The following ZFPM2 variants were observed in gnomAD, a reference collection of about 807,000 sequenced individuals.
The protein encoded by ZFPM2 is zinc finger protein, FOG family member 2.
Under a neutral mutation model 98.6 loss-of-function variants are expected in ZFPM2, and 20 were observed. That is an observed-to-expected ratio of 0.20 (90% CI 0.14 to 0.29). The LOEUF (loss-of-function observed/expected upper bound fraction) is 0.29, where lower values mean the gene tolerates loss of function less well. Ranked by LOEUF, ZFPM2 falls within the 10% of genes least tolerant of loss-of-function variation. The probability of loss-of-function intolerance (pLI) is 1.00; values close to 1 mark genes in which losing one functional copy is unlikely to be tolerated. For missense variants in ZFPM2, 1,310 were observed against 1,388.6 expected, an observed-to-expected ratio of 0.94 and a Z score of 0.90; for synonymous variants, 518 against 502.7, an observed-to-expected ratio of 1.03 and a Z score of -0.41.
intron 2 of ZFPM2, among the ~76,000 whole-genome samples, chr8:105,441,482 G>GAAAGAAAGAAAAGAAAAGAAAAGA (rs1554604998): frequency 4.7e-5 from 4 of 85,404 alleles, no homozygotes; most frequent in African/African-American, 3.1e-4. Flanking sequence ...AAGAAAGAAA[G>GAAAGAAAGAAAAGAAAAGAAAAGA]AAAGAAAGAA....
chr8:105,794,383 C>T (rs1266139670), intron 6 of ZFPM2, among the ~76,000 whole-genome samples: 1 of 152,140 alleles, frequency 6.6e-6, no homozygotes, highest in East Asian at 1.9e-4. Flanking sequence ...GCGGTGTCTG[C>T]AGAACAGTGG....
intron 5 of ZFPM2, among the ~76,000 whole-genome samples, chr8:105,654,587 A>T (rs867215743): frequency 2.2e-4 from 34 of 151,158 alleles, no homozygotes; most frequent in African/African-American, 5.6e-4. Context: ...TTTTTTTTTT[A>T]AAAATGAAAG....
At chr8:105,325,387 A>G (rs1812096119) in intron 1 of ZFPM2, among the ~76,000 whole-genome samples, 1 of 151,826 alleles carries the variant, frequency 6.6e-6, no homozygotes, top group African/African-American at 2.4e-5. Context: ...ATCAGCTCCT[A>G]GTATCTCTGC....
intron 5 of ZFPM2, among the ~76,000 whole-genome samples, chr8:105,769,686 T>TTGTCA (rs1045333035): frequency 7.2e-5 from 11 of 152,170 alleles, no homozygotes; most frequent in Admixed American, 5.2e-4. Flanking sequence ...GTCTTTCCTC[T>TTGTCA]TATCACTGCT....
chr8:105,442,597 A>G (rs150231334), intron 2 of ZFPM2, among the ~76,000 whole-genome samples: 99 of 152,262 alleles, frequency 6.5e-4, no homozygotes, highest in African/African-American at 1.9e-3. Context: ...TTAATTTAAG[A>G]CATGGGATTC....
chr8:105,426,140 A>G (rs1480009641), intron 2 of ZFPM2, among the ~76,000 whole-genome samples: 3 of 152,150 alleles, frequency 2.0e-5, no homozygotes, highest in South Asian at 2.1e-4. Flanking sequence ...TTTGAGTTCA[A>G]TAAGGAAGGG....
intron 5 of ZFPM2, among the ~76,000 whole-genome samples, chr8:105,681,909 C>A (rs941452790): frequency 6.6e-6 from 1 of 152,012 alleles, no homozygotes; most frequent in Non-Finnish European, 1.5e-5. Flanking sequence ...TCTATGAAGG[C>A]TGTTACCCTG....
chr8:105,757,519 C>T (rs544939259), intron 5 of ZFPM2, among the ~76,000 whole-genome samples: 40 of 152,134 alleles, frequency 2.6e-4, no homozygotes, highest in Admixed American at 7.9e-4. Context: ...GGACAAAACG[C>T]GTAGTTATTA....
intron 4 of ZFPM2, among the ~76,000 whole-genome samples, chr8:105,574,613 A>G (rs1165043610): frequency 6.6e-6 from 1 of 152,210 alleles, no homozygotes; most frequent in Non-Finnish European, 1.5e-5. Flanking sequence ...ACTGTGAAAT[A>G]TGAAGAAATG....
intron 5 of ZFPM2, among the ~76,000 whole-genome samples, chr8:105,727,944 A>G (rs1811852581): frequency 6.7e-6 from 1 of 150,176 alleles, no homozygotes; most frequent in Admixed American, 6.6e-5. Flanking sequence ...AAGTAAGATC[A>G]TAGTATGATT....
intron 4 of ZFPM2, among the ~76,000 whole-genome samples, chr8:105,604,515 G>T (rs763763553): frequency 6.6e-6 from 1 of 152,012 alleles, no homozygotes; most frequent in Non-Finnish European, 1.5e-5. Context: ...AACCTTTTCC[G>T]TGGTCTCCAT....
At chr8:105,353,208 T>G (rs1812681325) in intron 1 of ZFPM2, among the ~76,000 whole-genome samples, 1 of 152,126 alleles carries the variant, frequency 6.6e-6, no homozygotes. Flanking sequence ...TCCCTAATGC[T>G]TCTGAAGGGA....
chr8:105,532,923 T>C (rs1240743986), intron 3 of ZFPM2, among the ~76,000 whole-genome samples: 1 of 152,056 alleles, frequency 6.6e-6, no homozygotes, highest in Non-Finnish European at 1.5e-5. Flanking sequence ...CATTGGAAGA[T>C]TTGTGAGTGC....
chr8:105,494,517 C>G (rs1312803616), intron 3 of ZFPM2, among the ~76,000 whole-genome samples: 1 of 151,988 alleles, frequency 6.6e-6, no homozygotes, highest in Non-Finnish European at 1.5e-5. Flanking sequence ...TCCATGACTT[C>G]CTTTCCATAT....
chr8:105,587,727 A>C (rs1760859644), intron 4 of ZFPM2, among the ~76,000 whole-genome samples: 1 of 152,152 alleles, frequency 6.6e-6, no homozygotes, highest in Admixed American at 6.6e-5. Flanking sequence ...AGTTATATGG[A>C]ATAAAGAGTG....
In ZFPM2 at chr8:105,693,261, G is replaced by A. The variant is rs138684911; in HGVS notation, c.532+58904G>A. 4.6e-5 allele frequency among the ~76,000 whole-genome samples: 7 copies of A among 152,354 alleles called. 1 individual carries two copies. The East Asian group carries it at 1.4e-3, about 29-fold the overall frequency. ...TAATGGAGTAACAGCAAAGCCCCATGAATAATGGCTTTGCCCTCACAAAAA... is the reference window on the plus strand; with the variant it reads ...TAATGGAGTAACAGCAAAGCCCCATAAATAATGGCTTTGCCCTCACAAAAA... On this transcript the variant is annotated intron_variant, in intron 5 of 7. Coordinates refer to ENST00000407775, the MANE Select transcript of ZFPM2 (RefSeq NM_012082.4).
chr8:105,626,997 G>A (rs1816670318), intron 4 of ZFPM2, among the ~76,000 whole-genome samples: 1 of 151,974 alleles, frequency 6.6e-6, no homozygotes, highest in African/African-American at 2.4e-5. Context: ...TATGACTTTT[G>A]GCTCTTTCTA....
At chr8:105,752,285 A>G (rs1415388035) in intron 5 of ZFPM2, among the ~76,000 whole-genome samples, 1 of 152,120 alleles carries the variant, frequency 6.6e-6, no homozygotes, top group Admixed American at 6.6e-5. Context: ...GGGTTTATGA[A>G]ATGGCAGTAG....
intron 1 of ZFPM2, among the ~76,000 whole-genome samples, chr8:105,333,580 C>G (rs1175113421): frequency 6.6e-6 from 1 of 151,698 alleles, no homozygotes; most frequent in East Asian, 1.9e-4. Flanking sequence ...TGCACATATA[C>G]TGTTTGACCC....
Sources: allele counts gnomAD v4.1 joint callset (sites outside exome capture counted in the v4.1 genomes callset), GRCh38; gene constraint gnomAD v4.1.1; transcripts MANE v1.5; gene names NCBI Gene and HGNC (gene_info 2026-07-23, HGNC 2026-07-21).